The following CFAP77 variants were observed in gnomAD, a reference collection of about 807,000 sequenced individuals.
CFAP77 encodes the protein cilia- and flagella-associated protein 77.
CFAP77 carries 25 observed loss-of-function variants against 31.1 expected under a neutral mutation model. The ratio of observed to expected loss-of-function variants is 0.80; its 90% CI spans 0.59 to 1.12. The LOEUF (loss-of-function observed/expected upper bound fraction) is 1.12. Among genes scored for constraint, CFAP77 ranks in the 50% most tolerant of loss-of-function variants. The pLI is 0.00. For synonymous variants in CFAP77, 151 were observed against 159.9 expected, an observed-to-expected ratio of 0.94 and a Z score of 0.42; for missense variants, 377 against 397.3, an observed-to-expected ratio of 0.95 and a Z score of 0.44.
chr9:132,454,890 C>A (rs1387457619), intron 1 of CFAP77, among the ~76,000 whole-genome samples: 1 of 152,182 alleles, frequency 6.6e-6, no homozygotes, highest in East Asian at 1.9e-4. Flanking sequence ...AGCCAATTCT[C>A]CCCACCCAAA....
At chr9:132,466,557 C>T (rs1001199602) in intron 1 of CFAP77, among the ~76,000 whole-genome samples, 3 of 152,218 alleles carry the variant, frequency 2.0e-5, no homozygotes, top group Non-Finnish European at 2.9e-5. Flanking sequence ...TTCCCAAGGA[C>T]CCGATGTCAA....
At chr9:132,414,892 T>C (rs1401180949) in intron 1 of CFAP77, among the ~76,000 whole-genome samples, 1 of 152,160 alleles carries the variant, frequency 6.6e-6, no homozygotes, top group Non-Finnish European at 1.5e-5. Flanking sequence ...AACCACACCA[T>C]GCCCACTAAT....
At chr9:132,525,961 A>G (rs1852352644) in intron 3 of CFAP77, among the ~76,000 whole-genome samples, 1 of 152,170 alleles carries the variant, frequency 6.6e-6, no homozygotes, top group Non-Finnish European at 1.5e-5. Flanking sequence ...CTTCTGATCT[A>G]TAGCTTGTCT....
intron 3 of CFAP77, among the ~76,000 whole-genome samples, chr9:132,533,972 C>T (rs927750848): frequency 3.9e-5 from 6 of 152,132 alleles, no homozygotes; most frequent in East Asian, 1.9e-4. Context: ...GTTTTTTCCC[C>T]GAACATGTTT....
At chr9:132,553,069 G>A (rs1852845445) in intron 5 of CFAP77, among the ~76,000 whole-genome samples, 1 of 152,218 alleles carries the variant, frequency 6.6e-6, no homozygotes, top group Non-Finnish European at 1.5e-5. Flanking sequence ...TCCAAGGTCA[G>A]GGTGCCAGCA....
chr9:132,459,403 G>T (rs1393511053), intron 1 of CFAP77, among the ~76,000 whole-genome samples: 7 of 151,542 alleles, frequency 4.6e-5, no homozygotes, highest in African/African-American at 1.5e-4. Flanking sequence ...TGCACCTAAT[G>T]TGGCCTGGAT....
rs112366164 is a variant in CFAP77, at chr9:132,456,934, G to A, written c.196-41761G>A. 1.8e-3 allele frequency among the ~76,000 whole-genome samples: 272 copies of A among 152,014 alleles called. 1 individual carries two copies. Among genetic ancestry groups the A allele is most frequent in the African/African-American group, 5.6e-3 (234 of 41,436 alleles). On this transcript the variant is annotated intron_variant, in intron 1 of 5. Coordinates refer to ENST00000393216, the MANE Select transcript of CFAP77 (RefSeq NM_001282957.2). ...TCTGACTAATGTATGTAGAGATGGG[G>A]TCTCACCAAGTTGTTGCTCAGGCTG...
intron 3 of CFAP77, among the ~76,000 whole-genome samples, chr9:132,503,729 G>T (rs1232462819): frequency 6.6e-6 from 1 of 152,140 alleles, no homozygotes; most frequent in African/African-American, 2.4e-5. Flanking sequence ...GGCTTGGCCT[G>T]GATTCTCAAC....
intron 1 of CFAP77, among the ~76,000 whole-genome samples, chr9:132,496,429 CA>C (rs1851744983): frequency 6.6e-6 from 1 of 152,194 alleles, no homozygotes; most frequent in Non-Finnish European, 1.5e-5. Flanking sequence ...ACCATCACCA[CA>C]ATCAATTTTA....
intron 1 of CFAP77, among the ~76,000 whole-genome samples, chr9:132,478,925 G>A (rs915575379): frequency 6.6e-6 from 1 of 152,146 alleles, no homozygotes; most frequent in Non-Finnish European, 1.5e-5. Flanking sequence ...AAACCAGTTT[G>A]TAAGCATTCA....
intron 3 of CFAP77, among the ~76,000 whole-genome samples, chr9:132,509,345 C>T (rs1276450257): frequency 6.6e-6 from 1 of 152,180 alleles, no homozygotes; most frequent in African/African-American, 2.4e-5. Flanking sequence ...TGGCTGGCTG[C>T]CCAGCCCGGG....
intron 1 of CFAP77, among the ~76,000 whole-genome samples, chr9:132,429,298 T>C (rs1214061898): frequency 6.6e-6 from 1 of 152,000 alleles, no homozygotes; most frequent in Non-Finnish European, 1.5e-5. Flanking sequence ...CCCAGCACTT[T>C]GGGAGACCAA....
At position 132,486,073 on chromosome 9, in the gene CFAP77, TATATATATATA is replaced by T. The variant is rs1564223230; in HGVS notation, c.196-12621_196-12611del. 8.8e-4 allele frequency among the ~76,000 whole-genome samples: 15 copies of T among 17,008 alleles called. 1 individual carries two copies. Among genetic ancestry groups the T allele is most frequent in the African/African-American group, 1.7e-3 (4 of 2,314 alleles). The allele number at this position is 17,008 out of a possible 152,430, so 11.2% of individuals were successfully genotyped here. ...ATATGTATGTGTGTGTGTGTATATA[TATATATATATA>T]TATATATTTTTTTTTTTTTTTTTTT... On this transcript the variant is annotated intron_variant, in intron 1 of 5. Coordinates refer to ENST00000393216, the MANE Select transcript of CFAP77 (RefSeq NM_001282957.2).
chr9:132,474,757 G>A (rs1481098579), intron 1 of CFAP77, among the ~76,000 whole-genome samples: 1 of 152,164 alleles, frequency 6.6e-6, no homozygotes, highest in Non-Finnish European at 1.5e-5. Flanking sequence ...AGGTTGTTTG[G>A]GGGGTATCAG....
Position 132,499,045 on chromosome 9 carries a change from G to T in CFAP77, c.295+251G>T, listed in dbSNP as rs887942470. Reference sequence around the variant, plus strand: ...CCCCGCACCGCCCCCCTTCCCCGCCGCCGGCAGGGACTGTGTGCACTATGC... The same window carrying T: ...CCCCGCACCGCCCCCCTTCCCCGCCTCCGGCAGGGACTGTGTGCACTATGC... On this transcript the variant is annotated intron_variant, in intron 2 of 5. Coordinates refer to ENST00000393216, the MANE Select transcript of CFAP77 (RefSeq NM_001282957.2). This position sits in a 1 kb window ranked among gnomAD's most constrained non-coding sequence, Gnocchi z 5.4. Among the ~76,000 whole-genome samples the T allele has an allele frequency of 1.3e-5, 2 of 152,062 alleles. No homozygotes were observed. Among genetic ancestry groups the T allele is most frequent in the African/African-American group, 4.8e-5 (2 of 41,416 alleles).
At position 132,422,701 on chromosome 9, in the gene CFAP77, AG is replaced by A. The variant is rs934975977; in HGVS notation, c.195+12239del. On this transcript the variant is annotated intron_variant, in intron 1 of 5. Coordinates refer to ENST00000393216, the MANE Select transcript of CFAP77 (RefSeq NM_001282957.2). ...GAAGTCAGAGGCCAGGGACACCTGC[AG>A]GGGTCAAAGCAGGGGGAATACACAA... Among the ~76,000 whole-genome samples the A allele has an allele frequency of 3.7e-4, 56 of 152,316 alleles. No homozygotes were observed. In the South Asian group the frequency reaches 6.6e-3, roughly 18 times the overall value.
chr9:132,430,297 G>T (rs974649841), intron 1 of CFAP77, among the ~76,000 whole-genome samples: 6 of 151,948 alleles, frequency 3.9e-5, no homozygotes, highest in Non-Finnish European at 8.8e-5. Flanking sequence ...GGGATGGGGG[G>T]AGAAAAAGTG....
intron 1 of CFAP77, among the ~76,000 whole-genome samples, chr9:132,435,777 C>A (rs1237495100): frequency 6.6e-6 from 1 of 152,154 alleles, no homozygotes; most frequent in Non-Finnish European, 1.5e-5. Context: ...CATGAGGGCA[C>A]CCCACGGCCC....
chr9:132,549,191 C>T (rs528904123), intron 5 of CFAP77, among the ~76,000 whole-genome samples: 10 of 152,326 alleles, frequency 6.6e-5, no homozygotes, highest in Admixed American at 3.3e-4. Context: ...GTCCACCCTG[C>T]CGCCTCTGCC....
Sources: allele counts gnomAD v4.1 joint callset (sites outside exome capture counted in the v4.1 genomes callset), GRCh38; gene constraint gnomAD v4.1.1; non-coding constraint Gnocchi (gnomAD v3.1); transcripts MANE v1.5; gene names NCBI Gene and HGNC (gene_info 2026-07-23, HGNC 2026-07-21).